Variants in SHANK2 observed in about 807,000 individuals in gnomAD.
SHANK2 encodes SH3 and multiple ankyrin repeat domains 2.
SHANK2 carries 43 observed loss-of-function variants against 133.7 expected under a neutral mutation model. The observed-to-expected ratio is 0.32, with a 90% CI of 0.25 to 0.41. The LOEUF is 0.41. Ranked by LOEUF, SHANK2 falls within the 10% of genes least tolerant of loss-of-function variation. The pLI is 1.00. For synonymous variants in SHANK2, 1,017 were observed against 952.8 expected (o/e 1.07, Z -1.24); for missense variants, 1,994 against 2,235.8 (o/e 0.89, Z 2.18).
chr11:70,595,113 C>T (rs1489858883), intron 17 of SHANK2, among the ~76,000 whole-genome samples: 2 of 152,174 alleles, frequency 1.3e-5, no homozygotes, highest in African/African-American at 2.4e-5. Flanking sequence ...CAGCCCTCAC[C>T]TGCCAATGGG....
chr11:71,084,606 G>A (rs1277092834), intron 8 of SHANK2, among the ~76,000 whole-genome samples: 13 of 152,358 alleles, frequency 8.5e-5, no homozygotes, highest in African/African-American at 3.1e-4. Flanking sequence ...ATCAGCCTGA[G>A]AGCTCGGAGG....
At chr11:71,141,169 G>A (rs188968810) in intron 3 of SHANK2, among the ~76,000 whole-genome samples, 4 of 152,184 alleles carry the variant, frequency 2.6e-5, no homozygotes, top group Non-Finnish European at 4.4e-5. Context: ...TGAGTGTACG[G>A]GACACATGCC....
intron 17 of SHANK2, among the ~76,000 whole-genome samples, chr11:70,584,078 T>A (rs573462198): frequency 6.6e-5 from 10 of 152,304 alleles, no homozygotes; most frequent in Admixed American, 2.0e-4. Context: ...CATTCAATTA[T>A]CGGCCGTGAT....
At chr11:70,936,730 G>A (rs372248830) in intron 10 of SHANK2, among the ~76,000 whole-genome samples, 4 of 152,122 alleles carry the variant, frequency 2.6e-5, no homozygotes, top group Admixed American at 6.5e-5. Flanking sequence ...GGTGCAGGCC[G>A]GGTGGGTTCA....
At chr11:71,170,615 CTT>C (rs1249264111) in intron 2 of SHANK2, among the ~76,000 whole-genome samples, 2 of 152,212 alleles carry the variant, frequency 1.3e-5, no homozygotes, top group African/African-American at 4.8e-5. Context: ...GTCATGTGGG[CTT>C]CCGCTGGTGC....
intron 3 of SHANK2, among the ~76,000 whole-genome samples, chr11:71,139,612 C>T (rs1229337429): frequency 6.6e-5 from 10 of 152,192 alleles, no homozygotes; most frequent in African/African-American, 2.4e-4. Flanking sequence ...ACAGAGCTCA[C>T]CAGTTTGTAT....
chr11:70,661,539 AC>A lies in SHANK2; in HGVS notation c.1936+56del, dbSNP rs2061489818. On this transcript the variant is annotated intron_variant, in intron 16 of 25. Coordinates refer to ENST00000601538, the MANE Select transcript of SHANK2 (RefSeq NM_012309.5). Reference sequence around the variant, plus strand: ...CACACACACACACACACACACACACACACACACACACACACAAACATGGGAA... The same window carrying A: ...CACACACACACACACACACACACACAACACACACACACACAAACATGGGAA... The A allele has an allele frequency of 3.0e-5, 24 of 796,436 alleles. No individual in the cohort carries two copies. The African/African-American group carries it at 4.1e-4, about 14-fold the overall frequency. 49.3% of individuals were successfully genotyped at this position (796,436 alleles called of 1,614,324 possible).
At chr11:70,644,808 C>A (rs561612343) in intron 17 of SHANK2, among the ~76,000 whole-genome samples, 1 of 152,320 alleles carries the variant, frequency 6.6e-6, no homozygotes, top group Admixed American at 6.5e-5. Flanking sequence ...AAACAACAGC[C>A]CATGCCTTTT....
chr11:71,134,678 A>G (rs1415215507), intron 3 of SHANK2, among the ~76,000 whole-genome samples: 1 of 150,708 alleles, frequency 6.6e-6, no homozygotes, highest in Non-Finnish European at 1.5e-5. Flanking sequence ...GACCTCAAAT[A>G]CTCCACCCGC....
chr11:71,251,697 G>A (rs1233168383), intron 1 of SHANK2, among the ~76,000 whole-genome samples: 1 of 151,180 alleles, frequency 6.6e-6, no homozygotes, highest in East Asian at 1.9e-4. Context: ...CCCAGCTGGT[G>A]AGCACGGCGG....
At chr11:70,932,351 G>T (rs1555082648) in intron 10 of SHANK2, among the ~76,000 whole-genome samples, 1 of 152,230 alleles carries the variant, frequency 6.6e-6, no homozygotes, top group East Asian at 1.9e-4. Flanking sequence ...GACACTCCGG[G>T]AGCTAGAAGG....
intron 15 of SHANK2, among the ~76,000 whole-genome samples, chr11:70,690,487 TG>T (rs1945258953): frequency 2.2e-5 from 2 of 91,280 alleles, no homozygotes; most frequent in African/African-American, 4.2e-5. Flanking sequence ...ATACTTCCCA[TG>T]TTTTTTTTTT....
At chr11:70,745,666 G>C (rs1946623306) in intron 14 of SHANK2, among the ~76,000 whole-genome samples, 1 of 152,164 alleles carries the variant, frequency 6.6e-6, no homozygotes, top group Non-Finnish European at 1.5e-5. Context: ...TGGATGGGTA[G>C]AGCTGCTTGG....
At chr11:71,181,629 G>C (rs561383755) in intron 2 of SHANK2, among the ~76,000 whole-genome samples, 112 of 152,252 alleles carry the variant, frequency 7.4e-4, no homozygotes, top group African/African-American at 2.6e-3. Flanking sequence ...AAAAGAAGCA[G>C]CAGAAGCCTC....
At chr11:70,683,045 T>C (rs10899375) in intron 15 of SHANK2, among the ~76,000 whole-genome samples, 76,275 of 151,984 alleles carry the variant, frequency 0.5, 19,449 homozygotes, top group Non-Finnish European at 0.54. Flanking sequence ...TGTAAGACGC[T>C]GTCTCCCTGA....
At chr11:70,855,338 G>T (rs1949152846) in intron 11 of SHANK2, among the ~76,000 whole-genome samples, 1 of 152,172 alleles carries the variant, frequency 6.6e-6, no homozygotes, top group African/African-American at 2.4e-5. Context: ...TAGAATGTTG[G>T]GTTCTGGGCA....
chr11:71,085,459 T>A (rs1395404847), intron 8 of SHANK2, among the ~76,000 whole-genome samples: 1 of 125,652 alleles, frequency 8.0e-6, no homozygotes, highest in East Asian at 2.0e-4. Context: ...CCATCTTAAA[T>A]ATATATATAT....
intron 2 of SHANK2, among the ~76,000 whole-genome samples, chr11:71,149,600 G>C (rs1324364086): frequency 2.0e-5 from 3 of 151,680 alleles, no homozygotes; most frequent in Admixed American, 2.0e-4. Context: ...CAGGGCCCCA[G>C]GTAGAGAGGA....
intron 5 of SHANK2, among the ~76,000 whole-genome samples, chr11:71,112,564 C>A (rs902659493): frequency 6.6e-6 from 1 of 152,150 alleles, no homozygotes; most frequent in Non-Finnish European, 1.5e-5. Context: ...GGCAGCTGCC[C>A]GGACTCTCCA....
Sources: gnomAD v4.1 joint callset for allele counts (sites outside exome capture counted in the v4.1 genomes callset) on GRCh38, gnomAD v4.1.1 for gene constraint, MANE v1.5 for transcripts, NCBI Gene and HGNC (gene_info 2026-07-23, HGNC 2026-07-21) for gene names.